PRKCB: variants seen among roughly 807,000 people sequenced by gnomAD.
PRKCB encodes protein kinase C beta type.
PRKCB carries 13 observed loss-of-function variants against 81.5 expected under a neutral mutation model. That is an observed-to-expected ratio of 0.16 (90% CI 0.10 to 0.25). The LOEUF is 0.25. Ranked by LOEUF, PRKCB falls within the 10% of genes least tolerant of loss-of-function variation. The pLI is 1.00. For missense variants in PRKCB, 509 were observed against 875.7 expected (o/e 0.58, Z 5.29); for synonymous variants, 335 against 321.4 (o/e 1.04, Z -0.45).
At chr16:23,986,263 T>C (rs1029319410) in intron 2 of PRKCB, among the ~76,000 whole-genome samples, 1 of 152,186 alleles carries the variant, frequency 6.6e-6, no homozygotes, top group African/African-American at 2.4e-5. Flanking sequence ...TATTTATGTA[T>C]TTATTTTTGA....
chr16:23,882,021 T>TCTTTCTTCCTTCCTTCCTTCCTTC lies in PRKCB; in HGVS notation c.205+44618_205+44619insTCTTCCTTCCTTCCTTCCTTCCTT. ...TTCTTTCTTTCTTTCTTTCTTTCTT[T>TCTTTCTTCCTTCCTTCCTTCCTTC]CTTCCTTCCTTCCTTCCTTCCTTCC... On this transcript the variant is annotated intron_variant, in intron 2 of 16. Coordinates refer to ENST00000643927, the MANE Select transcript of PRKCB (RefSeq NM_002738.7). Among the ~76,000 whole-genome samples, 133 of 55,628 alleles carry TCTTTCTTCCTTCCTTCCTTCCTTC rather than the reference T, an allele frequency of 2.4e-3. 8 individuals are homozygous for TCTTTCTTCCTTCCTTCCTTCCTTC. Among genetic ancestry groups the TCTTTCTTCCTTCCTTCCTTCCTTC allele is most frequent in the African/African-American group, 3.7e-3 (63 of 16,910 alleles). 36.5% of individuals were successfully genotyped at this position (55,628 alleles called of 152,430 possible).
At chr16:24,201,583 CAGGGG>C (rs2141986892) in intron 16 of PRKCB, among the ~76,000 whole-genome samples, 1 of 152,220 alleles carries the variant, frequency 6.6e-6, no homozygotes, top group African/African-American at 2.4e-5. Context: ...CTCACTGCAC[CAGGGG>C]GATGGAATGT....
intron 7 of PRKCB, among the ~76,000 whole-genome samples, chr16:24,100,981 C>T (rs1000324563): frequency 2.6e-5 from 4 of 152,192 alleles, no homozygotes; most frequent in South Asian, 2.1e-4. Flanking sequence ...AAGCCAGTTT[C>T]GTTGTATGGA....
intron 2 of PRKCB, among the ~76,000 whole-genome samples, chr16:23,933,354 C>T (rs147552336): frequency 2.2e-4 from 34 of 152,290 alleles, no homozygotes; most frequent in African/African-American, 7.9e-4. Context: ...CTCCTTCTTT[C>T]AGACTTTATT....
At chr16:24,074,969 G>T (rs1365928068) in intron 5 of PRKCB, among the ~76,000 whole-genome samples, 1 of 151,932 alleles carries the variant, frequency 6.6e-6, no homozygotes, top group Non-Finnish European at 1.5e-5. Context: ...AAAAAATAAA[G>T]TTAGCCAAAT....
intron 2 of PRKCB, among the ~76,000 whole-genome samples, chr16:23,838,708 G>A (rs984125394): frequency 5.3e-5 from 8 of 152,196 alleles, no homozygotes; most frequent in Non-Finnish European, 7.3e-5. Flanking sequence ...AGGTGGCATC[G>A]TCAGTGGTGC....
chr16:24,138,834 A>G (rs960752242), intron 9 of PRKCB, among the ~76,000 whole-genome samples: 1 of 147,982 alleles, frequency 6.8e-6, no homozygotes, highest in Non-Finnish European at 1.5e-5. Context: ...GTGAGATCAT[A>G]CAGTATTTGT....
chr16:24,086,949 CA>C (rs1395745654), intron 5 of PRKCB, among the ~76,000 whole-genome samples: 1 of 152,070 alleles, frequency 6.6e-6, no homozygotes, highest in Non-Finnish European at 1.5e-5. Context: ...ATTGCAATAA[CA>C]GTAAAAGAAA....
At chr16:23,889,306 G>A (rs1267596955) in intron 2 of PRKCB, among the ~76,000 whole-genome samples, 2 of 152,190 alleles carry the variant, frequency 1.3e-5, no homozygotes, top group Non-Finnish European at 2.9e-5. Context: ...CCTTGTCTCA[G>A]TCTCCTCAGC....
At chr16:24,115,510 C>T (rs1287255681) in intron 8 of PRKCB, among the ~76,000 whole-genome samples, 1 of 151,894 alleles carries the variant, frequency 6.6e-6, no homozygotes, top group African/African-American at 2.4e-5. Context: ...AGGATTTTAG[C>T]ATTTATCCCA....
At position 23,853,604 on chromosome 16, in the gene PRKCB, G is replaced by A. The variant is rs138494646; in HGVS notation, c.205+16198G>A. 5.3e-4 allele frequency among the ~76,000 whole-genome samples: 80 copies of A among 152,240 alleles called. 1 individual carries two copies. Among genetic ancestry groups the A allele is most frequent in the African/African-American group, 1.9e-3 (77 of 41,540 alleles). On this transcript the variant is annotated intron_variant, in intron 2 of 16. Coordinates refer to ENST00000643927, the MANE Select transcript of PRKCB (RefSeq NM_002738.7). ...CATAATTTCCTTTGTCTTTCTTTGC[G>A]GTGATGTATCTAGTTTTATCTCTCA...
In PRKCB at chr16:23,988,673, A is replaced by T. The variant is rs1346714323; in HGVS notation, c.288+83A>T. The T allele has an allele frequency of 1.5e-5, 19 of 1,260,558 alleles. No individual in the cohort carries two copies. The Admixed American group carries it at 3.1e-4, about 21-fold the overall frequency. 78.1% of individuals were successfully genotyped at this position (1,260,558 alleles called of 1,614,324 possible). On this transcript the variant is annotated intron_variant, in intron 3 of 16. Transcript: ENST00000643927. Reference sequence around the variant, plus strand: ...AAATGTGAGTGAGCATTCTTAGACGAGTAAGTGTGGACGATCTCACTCTAA... The same window carrying T: ...AAATGTGAGTGAGCATTCTTAGACGTGTAAGTGTGGACGATCTCACTCTAA...
intron 5 of PRKCB, among the ~76,000 whole-genome samples, chr16:24,055,798 T>TGTGTG (rs1965896506): frequency 6.6e-6 from 1 of 152,078 alleles, no homozygotes; most frequent in Admixed American, 6.6e-5. Flanking sequence ...TTTGTAGGGG[T>TGTGTG]GTGTGGTGTG....
intron 2 of PRKCB, among the ~76,000 whole-genome samples, chr16:23,888,742 C>A (rs182319314): frequency 7.9e-4 from 121 of 152,248 alleles, no homozygotes; most frequent in African/African-American, 2.8e-3. Context: ...AAGGAGTTAT[C>A]CCTTCCTCAT....
intron 2 of PRKCB, 138 bp from the exon 3 acceptor site, chr16:23,988,370 A>C (rs1053992639): frequency 1.5e-6 from 1 of 645,446 alleles, no homozygotes; most frequent in African/African-American, 1.8e-5. Context: ...GCAGAAGCTG[A>C]CATTATTGTT....
At chr16:24,108,870 C>T (rs1165317085) in intron 7 of PRKCB, among the ~76,000 whole-genome samples, 2 of 152,102 alleles carry the variant, frequency 1.3e-5, no homozygotes, top group Non-Finnish European at 2.9e-5. Context: ...CTGTTGGGCA[C>T]ACCTCCCAGA....
chr16:24,111,650 A>G (rs1300122516), intron 7 of PRKCB, among the ~76,000 whole-genome samples: 2 of 150,508 alleles, frequency 1.3e-5, no homozygotes, highest in Non-Finnish European at 3.0e-5. Flanking sequence ...GAAAAAAAAA[A>G]CAGCCAGGTG....
At chr16:24,144,318 G>A (rs958746728) in intron 9 of PRKCB, among the ~76,000 whole-genome samples, 3 of 152,004 alleles carry the variant, frequency 2.0e-5, no homozygotes, top group African/African-American at 4.8e-5. Flanking sequence ...TTTTGAGACC[G>A]AGTCTCACTC....
At chr16:23,934,349 T>C (rs1964028705) in intron 2 of PRKCB, among the ~76,000 whole-genome samples, 2 of 147,310 alleles carry the variant, frequency 1.4e-5, no homozygotes, top group African/African-American at 5.0e-5. Context: ...CATTAAAAGC[T>C]CTAGTTTTCC....
Sources: allele counts gnomAD v4.1 joint callset (sites outside exome capture counted in the v4.1 genomes callset), GRCh38; gene constraint gnomAD v4.1.1; transcripts MANE v1.5; gene names NCBI Gene and HGNC (gene_info 2026-07-23, HGNC 2026-07-21).